Variants in MUC20 observed in about 807,000 individuals in gnomAD.
MUC20 encodes mucin-20.
In MUC20, 14 loss-of-function variants were observed where a neutral mutation model predicts 23.8. That is an observed-to-expected ratio of 0.59 (90% CI 0.39 to 0.92). The LOEUF is 0.92. Ranked by LOEUF, MUC20 falls within the 40% of genes least tolerant of loss-of-function variation. The pLI, the probability that MUC20 is intolerant of heterozygous loss-of-function variation, is 0.00. For synonymous variants in MUC20, 166 were observed against 279.3 expected, an observed-to-expected ratio of 0.59 and a Z score of 4.04; for missense variants, 375 against 668.8, an observed-to-expected ratio of 0.56 and a Z score of 4.85.
chr3:195,727,273 G>A (rs539812994), intron 2 of MUC20, among the ~76,000 whole-genome samples: 13 of 152,344 alleles, frequency 8.5e-5, no homozygotes, highest in Non-Finnish European at 1.3e-4. Flanking sequence ...AGTGGTGGGC[G>A]CCTGTAATCC....
intron 2 of MUC20, among the ~76,000 whole-genome samples, chr3:195,728,402 A>AG (rs1712956044): frequency 6.6e-6 from 1 of 152,286 alleles, no homozygotes; most frequent in Non-Finnish European, 1.5e-5. Context: ...GTTCAAGGGA[A>AG]GATACTATGC....
At chr3:195,728,624 T>A (rs2641738) in intron 2 of MUC20, among the ~76,000 whole-genome samples, 1 of 150,996 alleles carries the variant, frequency 6.6e-6, no homozygotes, top group Non-Finnish European at 1.5e-5. Context: ...CCTTCCTCTA[T>A]CTCAACTGCA....
intron 3 of MUC20, chr3:195,729,947 A>T (rs999595060): frequency 3.3e-6 from 2 of 609,142 alleles, no homozygotes; most frequent in Non-Finnish European, 5.7e-6. Context: ...CTTCTCTGCA[A>T]TGTAAACATG....
At chr3:195,731,798 C>CT (rs1469585111) in intron 3 of MUC20, among the ~76,000 whole-genome samples, 14 of 152,378 alleles carry the variant, frequency 9.2e-5, no homozygotes, top group African/African-American at 3.4e-4. Flanking sequence ...GAAGGGATGT[C>CT]TGTGTCCTTG....
chr3:195,730,099 CAA>C (rs4036961), intron 3 of MUC20: 33 of 93,132 alleles, frequency 3.5e-4, no homozygotes, highest in Non-Finnish European at 4.4e-4. Flanking sequence ...GCAGTTTATG[CAA>C]AAAAAAAAAA....
At chr3:195,730,729 G>A (rs1713306603) in intron 3 of MUC20, among the ~76,000 whole-genome samples, 2 of 152,218 alleles carry the variant, frequency 1.3e-5, no homozygotes, top group Non-Finnish European at 2.9e-5. Context: ...TGACAACCCA[G>A]TCAGGATCCC....
At chr3:195,731,975 CTTTTGTTTTGTTTTGTTTTG>C (rs57899187) in intron 3 of MUC20, among the ~76,000 whole-genome samples, 6 of 151,070 alleles carry the variant, frequency 4.0e-5, no homozygotes, top group South Asian at 2.1e-4. Flanking sequence ...AAGCCAATTG[CTTTTGTTTTGTTTTGTTTTG>C]TTTTGTTTTG....
rs1712547550 is a variant in MUC20 at position 195,725,772 on chromosome 3, A to G, written c.1169A>G (p.Asp390Gly). 1.3e-6 allele frequency: 2 copies of G among 1,502,672 alleles called. No individual in the cohort carries two copies. The highest frequency in any genetic ancestry group is 1.8e-6 in the Non-Finnish European group (2 of 1,095,930). 93.1% of individuals were successfully genotyped at this position (1,502,672 alleles called of 1,614,324 possible). A position where few individuals can be genotyped will look rare whatever the true frequency, so the allele number is the denominator to read the frequency against. Residue 390 changes from aspartate to glycine, a missense_variant, in exon 2 of 4, where the codon GAC becomes GGC. Transcript: ENST00000447234. The stretch of plus-strand genomic sequence containing the variant: ...GCCTCAGAGAGCAGCGCCTCTTCCG[A>G]CGGCCCCCATCCAGTCATCACCCCC... ...SRASESSASS[D>G]GPHPVITPSW... is the part of the protein sequence containing the mutation.
In MUC20 at chr3:195,726,099, C is replaced by A; in HGVS notation, c.1496C>A (p.Pro499Gln). 1 of 1,610,472 alleles carries A rather than the reference C, an allele frequency of 6.2e-7. No homozygotes were observed. The highest frequency in any genetic ancestry group is 8.5e-7 in the Non-Finnish European group (1 of 1,177,042). The change falls in exon 2 of 4, where the codon CCA becomes CAA. Residue 499 changes from proline to glutamine, a missense_variant. By Grantham distance (76) the Pro-to-Gln change is moderately conservative (BLOSUM62 -1). Transcript: ENST00000447234. ...GCACCTGATGCCACGGTTGGGACCC[C>A]ACTCCCCACTAACAGCGCCACAGAA... ...SAAPDATVGTPLPTNSATERE... is the reference protein window; with the variant it reads ...SAAPDATVGTQLPTNSATERE...
chr3:195,732,932 A>G (rs567636175), intron 3 of MUC20, among the ~76,000 whole-genome samples: 14 of 152,380 alleles, frequency 9.2e-5, no homozygotes, highest in Admixed American at 9.1e-4. Flanking sequence ...TTCATCCCTT[A>G]TAAAATGAGG....
At chr3:195,727,261 G>A (rs141936814) in intron 2 of MUC20, among the ~76,000 whole-genome samples, 2,461 of 151,902 alleles carry the variant, frequency 0.016, no homozygotes, top group Non-Finnish European at 0.022. Context: ...TTAGCTGGGC[G>A]CAGTGGTGGG....
At chr3:195,728,634 A>T (rs1713002651) in intron 2 of MUC20, among the ~76,000 whole-genome samples, 1 of 151,910 alleles carries the variant, frequency 6.6e-6, no homozygotes, top group Non-Finnish European at 1.5e-5. Context: ...TCTCAACTGC[A>T]AGAGGAGATC....
intron 2 of MUC20, among the ~76,000 whole-genome samples, chr3:195,728,064 A>G (rs999149240): frequency 1.3e-5 from 2 of 152,276 alleles, no homozygotes; most frequent in African/African-American, 4.8e-5. Flanking sequence ...CCCATCTGAC[A>G]GGGTTAAAGA....
At chr3:195,731,133 A>G (rs892124158) in intron 3 of MUC20, among the ~76,000 whole-genome samples, 4 of 152,248 alleles carry the variant, frequency 2.6e-5, no homozygotes, top group African/African-American at 9.6e-5. Flanking sequence ...TGCCCTTGCT[A>G]ATACCTGAAG....
intron 3 of MUC20, 153 bp downstream of exon 3, chr3:195,729,892 C>T (rs1210701674): frequency 5.2e-6 from 4 of 766,962 alleles, no homozygotes; most frequent in Non-Finnish European, 4.2e-6. Context: ...CTGAGGATCT[C>T]TGCCTGGCTT....
In MUC20 at chr3:195,726,193, T is replaced by A. The variant is rs2550233; in HGVS notation, c.1590T>A (p.Leu530=). 4 of 1,606,710 alleles carry A rather than the reference T, an allele frequency of 2.5e-6. No homozygotes were observed. The highest frequency in any genetic ancestry group is 2.2e-5 in the East Asian group (1 of 44,878). The part of the protein sequence containing the change: ...GALVTVSRNP[L]EETSALSVET... ...TGGTCACAGTTAGCAGGAATCCCCT[T>A]GAAGAAACCTCAGCCCTCTCTGTTG... The change falls in exon 2 of 4, where the codon CTT becomes CTA. Residue 530 remains leucine, a synonymous_variant. Coordinates refer to ENST00000447234, the MANE Select transcript of MUC20 (RefSeq NM_001282506.2).
Position 195,726,111 on chromosome 3 carries a change from A to C in MUC20, c.1508A>C (p.Asn503Thr). 2 of 1,609,544 alleles carry C rather than the reference A, an allele frequency of 1.2e-6. No homozygotes were observed. Among genetic ancestry groups the C allele is most frequent in the Non-Finnish European group, 1.7e-6 (2 of 1,176,430 alleles). ...ACGGTTGGGACCCCACTCCCCACTA[A>C]CAGCGCCACAGAAAGAGAAGTGACA... is the stretch of plus-strand genomic sequence containing the variant. Reference protein sequence around the residue: ...DATVGTPLPTNSATEREVTAP... With the variant: ...DATVGTPLPTTSATEREVTAP... The change falls in exon 2 of 4, where the codon AAC becomes ACC. Residue 503 changes from asparagine (N) to threonine (T), a missense_variant. Around this residue, in one of 4 missense-constraint regions of MUC20, gnomAD observed 343 missense variants for 340.2 expected, o/e 1.01. Transcript: ENST00000447234.
chr3:195,727,714 G>A (rs1712846965), intron 2 of MUC20, among the ~76,000 whole-genome samples: 1 of 152,294 alleles, frequency 6.6e-6, no homozygotes, highest in Admixed American at 6.5e-5. Context: ...ACTGGCCCCA[G>A]CAGAACGTTC....
At chr3:195,722,305 C>G (rs1712210806) in intron 1 of MUC20, 1 of 984,848 alleles carries the variant, frequency 1.0e-6, no homozygotes, top group Non-Finnish European at 1.2e-6. Context: ...TGACTCCTCA[C>G]AGGCCTGAGC....
Sources: gnomAD v4.1 joint callset for allele counts (sites outside exome capture counted in the v4.1 genomes callset) on GRCh38, gnomAD v4.1.1 for gene constraint, gnomAD v4.1.1 regional missense constraint, MANE v1.5 for transcripts, NCBI Gene and HGNC (gene_info 2026-07-23, HGNC 2026-07-21) for gene names.